UNC13A: variants seen among roughly 807,000 people sequenced by gnomAD.
UNC13A encodes protein unc-13 homolog A.
A neutral mutation model predicts 219.7 loss-of-function variants in UNC13A; 61 were observed. That is an observed-to-expected ratio of 0.28 (90% CI 0.23 to 0.34). UNC13A has a LOEUF of 0.34. Among genes scored for constraint, UNC13A ranks in the 10% least tolerant of loss-of-function variants. The pLI is 1.00. For missense variants in UNC13A, 1,476 were observed against 2,270.3 expected, an observed-to-expected ratio of 0.65 and a Z score of 7.11; for synonymous variants, 920 against 884.6, an observed-to-expected ratio of 1.04 and a Z score of -0.71.
intron 5 of UNC13A, 82 bp downstream of exon 5, chr19:17,669,471 G>A (rs537950782): frequency 1.3e-6 from 2 of 1,552,186 alleles, no homozygotes; most frequent in African/African-American, 2.7e-5. Context: ...ACCTACCCAG[G>A]CCTGTTCACT....
intron 20 of UNC13A, among the ~76,000 whole-genome samples, chr19:17,642,077 T>G (rs553759717): frequency 9.3e-5 from 14 of 150,312 alleles, no homozygotes; most frequent in African/African-American, 3.2e-4. Context: ...CCCATCTGAC[T>G]ATCAACAAAT....
chr19:17,650,757 C>T (rs1451745862), intron 12 of UNC13A, among the ~76,000 whole-genome samples: 11 of 151,602 alleles, frequency 7.3e-5, no homozygotes. Flanking sequence ...AGATTACAGG[C>T]GTGAGCCACC....
At position 17,658,364 on chromosome 19, in the gene UNC13A, G is replaced by T; in HGVS notation, c.560-95C>A. On this transcript the variant is annotated intron_variant, in intron 8 of 43. Coordinates refer to ENST00000519716, the MANE Select transcript of UNC13A (RefSeq NM_001080421.3). The stretch of plus-strand genomic sequence containing the variant: ...TTCCCAGACTTACGGTGCCGCTACC[G>T]AAGAAGAGAATTTTTTACTAGTATG... 1 of 1,200,646 alleles carries T rather than the reference G, an allele frequency of 8.3e-7. No homozygotes were observed. The highest frequency in any genetic ancestry group is 1.2e-6 in the Non-Finnish European group (1 of 835,078). The allele number at this position is 1,200,646 out of a possible 1,614,324, so 74.4% of individuals were successfully genotyped here.
intron 2 of UNC13A, among the ~76,000 whole-genome samples, chr19:17,675,630 CA>C (rs35996994): frequency 0.26 from 33,338 of 127,428 alleles, 4,128 homozygotes; most frequent in Middle Eastern, 0.36. Flanking sequence ...GACTCTGTCT[CA>C]AAAAAAAAAA....
intron 1 of UNC13A, among the ~76,000 whole-genome samples, chr19:17,686,238 C>A (rs573223199): frequency 6.6e-6 from 1 of 150,560 alleles, no homozygotes; most frequent in East Asian, 2.0e-4. Context: ...GCTGCCCCCC[C>A]TTAATGCCAC....
intron 41 of UNC13A, among the ~76,000 whole-genome samples, chr19:17,617,377 G>C (rs76693105): frequency 6.6e-6 from 1 of 152,088 alleles, no homozygotes; most frequent in Non-Finnish European, 1.5e-5. Context: ...GCCCTACGAC[G>C]TCACAGGTTC....
chr19:17,609,907 GC>G, intron 43 of UNC13A, 32 bp downstream of exon 43: 1 of 1,609,996 alleles, frequency 6.2e-7, no homozygotes, highest in Non-Finnish European at 8.5e-7. Context: ...CCCCTCCCTT[GC>G]CCCCATGCTC....
chr19:17,648,335 C>A, intron 16 of UNC13A, 96 bp downstream of exon 16: 1 of 1,256,456 alleles, frequency 8.0e-7, no homozygotes, highest in South Asian at 1.6e-5. Context: ...CCCATGGTGC[C>A]CCACCCATCG....
chr19:17,639,299 A>C, intron 24 of UNC13A, 82 bp from the exon 25 acceptor site: 1 of 1,593,774 alleles, frequency 6.3e-7, no homozygotes, highest in Non-Finnish European at 8.6e-7. Context: ...TTTTGGGTTT[A>C]AGGAAATGAA....
rs766868639 is a variant in UNC13A, at chr19:17,620,705, T to C, written c.4260A>G (p.Pro1420=). 4 of 1,613,202 alleles carry C rather than the reference T, an allele frequency of 2.5e-6. No individual in the cohort carries two copies. Among genetic ancestry groups the C allele is most frequent in the South Asian group, 2.2e-5 (2 of 90,784 alleles). The change falls in exon 38 of 44, where the codon CCA becomes CCG. Residue 1420 remains proline, a synonymous_variant. Coordinates refer to ENST00000519716, the MANE Select transcript of UNC13A (RefSeq NM_001080421.3). ...KGLEKGRVKL[P]SHSDGTQMIF... ...AGGCCGGTCTTACGTCTGAGTGGCT[T>C]GGCAATTTCACCCTGCCCTGTGGAG...
chr19:17,630,878 C>G, intron 28 of UNC13A, 128 bp from the exon 29 acceptor site: 2 of 764,786 alleles, frequency 2.6e-6, no homozygotes, highest in South Asian at 1.8e-5. Flanking sequence ...CTCCCTGCAG[C>G]CTTGAGTGGC....
At chr19:17,645,006 ATTCTTTTTTTT>A (rs1207010728) in intron 19 of UNC13A, among the ~76,000 whole-genome samples, 1 of 99,322 alleles carries the variant, frequency 1.0e-5, no homozygotes, top group Non-Finnish European at 1.9e-5. Context: ...CCCAGCCTGG[ATTCTTTTTTTT>A]TTTTTTTTGA....
Position 17,619,033 on chromosome 19 carries a change from C to T in UNC13A, c.4273-71G>A, listed in dbSNP as rs78017859. ...CTGACACTCCAGCCCCAGAGACCATCTTGGTTCTTGCCCAAAGGCTCTGGG... is the reference window on the plus strand; with the variant it reads ...CTGACACTCCAGCCCCAGAGACCATTTTGGTTCTTGCCCAAAGGCTCTGGG... On this transcript the variant is annotated intron_variant, in intron 38 of 43. Coordinates refer to ENST00000519716, the MANE Select transcript of UNC13A (RefSeq NM_001080421.3). 4,443 of 1,475,788 alleles carry T rather than the reference C, an allele frequency of 3.0e-3. 112 individuals are homozygous for T. The African/African-American group carries it at 0.056, about 19-fold the overall frequency. 91.4% of individuals were successfully genotyped at this position (1,475,788 alleles called of 1,614,324 possible).
At chr19:17,616,365 G>A (rs759103686) in intron 41 of UNC13A, 20 of 688,202 alleles carry the variant, frequency 2.9e-5, no homozygotes, top group Admixed American at 1.9e-4. Context: ...CGCAGGCACC[G>A]GGCACCAGGC....
At chr19:17,680,413 C>T (rs1599418704) in intron 1 of UNC13A, among the ~76,000 whole-genome samples, 3 of 151,964 alleles carry the variant, frequency 2.0e-5, no homozygotes, top group Non-Finnish European at 2.9e-5. Context: ...GGAGGCGCGC[C>T]GGCGGACAGG....
intron 41 of UNC13A, among the ~76,000 whole-genome samples, chr19:17,615,723 T>A (rs2076655659): frequency 6.6e-6 from 1 of 151,802 alleles, no homozygotes. Context: ...CTTCAAGAAA[T>A]GCCTGGCACA....
At position 17,645,867 on chromosome 19, in the gene UNC13A, G is replaced by T. The variant is rs1193725100; in HGVS notation, c.2187-24C>A. On this transcript the variant is annotated intron_variant, in intron 18 of 43. Transcript: ENST00000519716. ...CACTGTGGCGGGAGGAGGAGGCAGA[G>T]GCAGGGGTCAGGCAGCCAGTGTGAG... is the stretch of plus-strand genomic sequence containing the variant. The T allele has an allele frequency of 8.8e-6, 14 of 1,592,142 alleles. No homozygotes were observed. In the African/African-American group the frequency reaches 1.6e-4, roughly 18 times the overall value.
intron 43 of UNC13A, among the ~76,000 whole-genome samples, chr19:17,608,833 T>G (rs989840119): frequency 2.0e-5 from 3 of 151,718 alleles, no homozygotes; most frequent in South Asian, 2.1e-4. Context: ...ATATTTTTAA[T>G]AGAGATGGAG....
chr19:17,639,340 G>A, intron 24 of UNC13A, 96 bp downstream of exon 24: 12 of 1,565,308 alleles, frequency 7.7e-6, no homozygotes, highest in Non-Finnish European at 1.0e-5. Flanking sequence ...TACTGAGAAA[G>A]GCTGCCACTC....
Sources: gnomAD v4.1 joint callset for allele counts (sites outside exome capture counted in the v4.1 genomes callset) on GRCh38, gnomAD v4.1.1 for gene constraint, MANE v1.5 for transcripts, NCBI Gene and HGNC (gene_info 2026-07-23, HGNC 2026-07-21) for gene names.